Variants in SLC14A2 observed in about 807,000 individuals in gnomAD.
SLC14A2 encodes the protein solute carrier family 14 member 2.
SLC14A2 carries 91 observed loss-of-function variants against 104.6 expected under a neutral mutation model. The observed-to-expected ratio is 0.87, with a 90% CI of 0.73 to 1.04. The LOEUF (loss-of-function observed/expected upper bound fraction) is 1.04, where lower values mean the gene tolerates loss of function less well. Among genes scored for constraint, SLC14A2 ranks in the 50% least tolerant of loss-of-function variants. The pLI, the probability that SLC14A2 is intolerant of heterozygous loss-of-function variation, is 0.00. For synonymous variants in SLC14A2, 476 were observed against 466.4 expected, an observed-to-expected ratio of 1.02 and a Z score of -0.27; for missense variants, 1,189 against 1,156.0, an observed-to-expected ratio of 1.03 and a Z score of -0.41.
At chr18:45,645,624 C>CATATATATATATATATATATATACAT (rs2045610233) in intron 10 of SLC14A2, among the ~76,000 whole-genome samples, 1 of 9,050 alleles carries the variant, frequency 1.1e-4, no homozygotes, top group African/African-American at 4.1e-4. Flanking sequence ...TATATATATA[C>CATATATATATATATATATATATACAT]ATATACAAAG....
intron 1 of SLC14A2, among the ~76,000 whole-genome samples, chr18:45,291,348 A>G (rs1486617702): frequency 6.6e-6 from 1 of 152,118 alleles, no homozygotes; most frequent in Non-Finnish European, 1.5e-5. Context: ...GCGTGGTAAT[A>G]ATGAGGAATG....
chr18:45,248,783 C>T (rs1472926364), intron 1 of SLC14A2, among the ~76,000 whole-genome samples: 1 of 152,188 alleles, frequency 6.6e-6, no homozygotes, highest in Admixed American at 6.5e-5. Context: ...AATGGAGCCA[C>T]AGAACTTCAA....
At chr18:45,597,003 C>A (rs1203985685) in intron 2 of SLC14A2, among the ~76,000 whole-genome samples, 1 of 152,186 alleles carries the variant, frequency 6.6e-6, no homozygotes, top group Non-Finnish European at 1.5e-5. Flanking sequence ...ATTAACCAAT[C>A]CCATCAAAAC....
At chr18:45,569,075 A>T (rs572422625) in intron 2 of SLC14A2, among the ~76,000 whole-genome samples, 3 of 152,310 alleles carry the variant, frequency 2.0e-5, no homozygotes, top group African/African-American at 7.2e-5. Context: ...TTAGGTACCG[A>T]TTCTAGCCTA....
At chr18:45,274,609 T>C (rs2084683643) in intron 1 of SLC14A2, among the ~76,000 whole-genome samples, 1 of 152,244 alleles carries the variant, frequency 6.6e-6, no homozygotes, top group Non-Finnish European at 1.5e-5. Flanking sequence ...TAACAAATTC[T>C]TACTTTCTCA....
chr18:45,317,590 G>T (rs2085142367), intron 1 of SLC14A2, among the ~76,000 whole-genome samples: 2 of 152,158 alleles, frequency 1.3e-5, no homozygotes. Flanking sequence ...ATAAGAGCTG[G>T]CAAAATATAA....
At chr18:45,468,037 C>A (rs1454431690) in intron 1 of SLC14A2, among the ~76,000 whole-genome samples, 2 of 152,126 alleles carry the variant, frequency 1.3e-5, no homozygotes, top group African/African-American at 4.8e-5. Context: ...CCTCTACCAG[C>A]CACCACCCCC....
At chr18:45,190,186 TTTC>T in the SLC14A2 span, among the ~76,000 whole-genome samples, 1 of 152,228 alleles carries the variant, frequency 6.6e-6, no homozygotes, top group South Asian at 2.1e-4. Flanking sequence ...TTTGTTGACC[TTTC>T]TTCTTTAGTA....
At chr18:45,327,559 T>C (rs1208816157) in intron 1 of SLC14A2, among the ~76,000 whole-genome samples, 3 of 152,208 alleles carry the variant, frequency 2.0e-5, no homozygotes, top group Admixed American at 2.0e-4. Context: ...TTACAGTCCC[T>C]GGTACCCTCT....
At chr18:45,531,865 A>G (rs1020808692) in intron 2 of SLC14A2, among the ~76,000 whole-genome samples, 5 of 152,130 alleles carry the variant, frequency 3.3e-5, no homozygotes, top group African/African-American at 1.2e-4. Flanking sequence ...TCCATCTTGA[A>G]TTACTTTTTG....
Position 45,363,769 on chromosome 18 carries a change from G to A in SLC14A2, c.-124-119464G>A, listed in dbSNP as rs1021975969. Among the ~76,000 whole-genome samples, 4 of 152,072 alleles carry A rather than the reference G, an allele frequency of 2.6e-5. No individual in the cohort carries two copies. In the East Asian group the frequency reaches 5.8e-4, roughly 22 times the overall value. Reference sequence around the variant, plus strand: ...ATGATGGGGAGGGGCTGTGCTCCTCGGGCAGCTGTGGAGGATGGAAGCTAC... The same window carrying A: ...ATGATGGGGAGGGGCTGTGCTCCTCAGGCAGCTGTGGAGGATGGAAGCTAC... On this transcript the variant is annotated intron_variant, in intron 1 of 20. Coordinates refer to the SLC14A2 transcript ENST00000586448.
At chr18:45,586,980 CTTCTTT>C (rs1414670438) in intron 2 of SLC14A2, among the ~76,000 whole-genome samples, 2 of 151,802 alleles carry the variant, frequency 1.3e-5, no homozygotes, top group African/African-American at 4.8e-5. Flanking sequence ...AAAGTTTATT[CTTCTTT>C]ATTTTAAATT....
chr18:45,386,140 G>C (rs1183409100), intron 1 of SLC14A2, among the ~76,000 whole-genome samples: 1 of 152,192 alleles, frequency 6.6e-6, no homozygotes, highest in Non-Finnish European at 1.5e-5. Context: ...GGAGGTGAAA[G>C]TGATGGTGGT....
In SLC14A2 at chr18:45,372,822, G is replaced by C. The variant is rs1182336250; in HGVS notation, c.-124-110411G>C. Among the ~76,000 whole-genome samples, 6 of 152,144 alleles carry C rather than the reference G, an allele frequency of 3.9e-5. 1 individual carries two copies. The highest frequency in any genetic ancestry group is 3.9e-4 in the Admixed American group (6 of 15,284). ...TCCACGTTTTTTAAAGTTTAAAAAA[G>C]ATTATTTCAAGAATATCGTGTATTA... On this transcript the variant is annotated intron_variant, in intron 1 of 20. Coordinates refer to the SLC14A2 transcript ENST00000586448.
chr18:45,414,757 A>AAATATATATATATAT (rs1360051908), intron 1 of SLC14A2, among the ~76,000 whole-genome samples: 6 of 76,092 alleles, frequency 7.9e-5, no homozygotes, highest in South Asian at 7.5e-4. Flanking sequence ...AAAAAAAAAA[A>AAATATATATATATAT]ATATATATAT....
chr18:45,428,994 G>A (rs1477138588), intron 1 of SLC14A2, among the ~76,000 whole-genome samples: 3 of 152,138 alleles, frequency 2.0e-5, no homozygotes, highest in Non-Finnish European at 4.4e-5. Context: ...AGAAGATGGA[G>A]TACTAGATGG....
Position 45,667,964 on chromosome 18 carries a change from T to A in SLC14A2, c.1849T>A (p.Ser617Thr). The change falls in exon 14 of 20, where the codon TCA becomes ACA. Residue 617 changes from serine (S) to threonine (T), a missense_variant. Coordinates refer to ENST00000255226, the MANE Select transcript of SLC14A2 (RefSeq NM_007163.4). ...CATCCAGAACCCCTGGTGGGCGATC[T>A]CAGGCTGCCTGGGTACCATCATGTC... ...LFIQNPWWAI[S>T]GCLGTIMSTL... 6.2e-7 allele frequency: 1 copy of A among 1,614,094 alleles called. No homozygotes were observed. The highest frequency in any genetic ancestry group is 8.5e-7 in the Non-Finnish European group (1 of 1,179,996).
chr18:45,523,655 C>T (rs952712432), intron 2 of SLC14A2, among the ~76,000 whole-genome samples: 51 of 137,318 alleles, frequency 3.7e-4, no homozygotes, highest in African/African-American at 1.2e-3. Context: ...ATTCTTTAAC[C>T]CCACGAAATC....
intron 1 of SLC14A2, among the ~76,000 whole-genome samples, chr18:45,299,524 C>A (rs905021094): frequency 1.3e-5 from 2 of 152,200 alleles, no homozygotes; most frequent in African/African-American, 4.8e-5. Context: ...TGCAGTGGCA[C>A]AATCTCAGCT....
Sources: allele counts gnomAD v4.1 joint callset (sites outside exome capture counted in the v4.1 genomes callset), GRCh38; gene constraint gnomAD v4.1.1; transcripts MANE v1.5; gene names NCBI Gene and HGNC (gene_info 2026-07-23, HGNC 2026-07-21).